Variants in LARGE1 observed in about 807,000 individuals in gnomAD.
The protein encoded by LARGE1 is LARGE xylosyl- and glucuronyltransferase 1.
LARGE1 carries 43 observed loss-of-function variants against 87.6 expected under a neutral mutation model. The ratio of observed to expected loss-of-function variants is 0.49; its 90% CI spans 0.38 to 0.63. The LOEUF (loss-of-function observed/expected upper bound fraction) is 0.63. LARGE1 is among the 30% of genes least tolerant of loss of function. The pLI is 0.00. For synonymous variants in LARGE1, 434 were observed against 394.6 expected, an observed-to-expected ratio of 1.10 and a Z score of -1.18; for missense variants, 802 against 1,000.2, an observed-to-expected ratio of 0.80 and a Z score of 2.67.
At position 33,847,082 on chromosome 22, in the gene LARGE1, G is replaced by A. The variant is rs142025881; in HGVS notation, c.-83+72913C>T. Among the ~76,000 whole-genome samples, 12 of 152,218 alleles carry A rather than the reference G, an allele frequency of 7.9e-5. No homozygotes were observed. In the East Asian group the frequency reaches 1.9e-3, roughly 24 times the overall value. Reference sequence around the variant, plus strand: ...GTTTTTGCAGCTTGTGGGGAATCACGGAACCTACCGACATGTGATGTCTCC... The same window carrying A: ...GTTTTTGCAGCTTGTGGGGAATCACAGAACCTACCGACATGTGATGTCTCC... On this transcript the variant is annotated intron_variant, in intron 1 of 14. Transcript: ENST00000397394.
At chr22:33,822,406 G>A (rs373950494) in intron 1 of LARGE1, among the ~76,000 whole-genome samples, 8 of 152,260 alleles carry the variant, frequency 5.3e-5, no homozygotes, top group African/African-American at 1.9e-4. Flanking sequence ...GGCACAGTAA[G>A]AGCTTAGAAA....
At chr22:33,350,121 G>T (rs1940222027) in intron 9 of LARGE1, among the ~76,000 whole-genome samples, 1 of 152,168 alleles carries the variant, frequency 6.6e-6, no homozygotes, top group African/African-American at 2.4e-5. Flanking sequence ...AATACTCAGG[G>T]CTGGGAAGGT....
chr22:33,553,685 G>A (rs1022423606), intron 6 of LARGE1, among the ~76,000 whole-genome samples: 1 of 152,148 alleles, frequency 6.6e-6, no homozygotes, highest in Non-Finnish European at 1.5e-5. Context: ...TTGCCCACAG[G>A]AAACAGAGGT....
chr22:33,729,425 T>G (rs570119975), intron 2 of LARGE1, among the ~76,000 whole-genome samples: 2 of 152,338 alleles, frequency 1.3e-5, no homozygotes, highest in East Asian at 3.9e-4. Context: ...TTTCAAGGGA[T>G]ATAAACTATC....
intron 1 of LARGE1, among the ~76,000 whole-genome samples, chr22:33,812,692 T>G (rs1601677107): frequency 6.6e-6 from 1 of 152,342 alleles, no homozygotes; most frequent in East Asian, 1.9e-4. Context: ...AAGTTTCCCT[T>G]TGTGTGGATA....
intron 1 of LARGE1, among the ~76,000 whole-genome samples, chr22:33,864,916 AC>A (rs2064041711): frequency 6.6e-6 from 1 of 152,086 alleles, no homozygotes; most frequent in Non-Finnish European, 1.5e-5. Context: ...TCACTCTCTC[AC>A]ATGTCTCTCT....
intron 11 of LARGE1, among the ~76,000 whole-genome samples, chr22:33,309,964 T>C (rs1370791536): frequency 2.0e-5 from 3 of 152,312 alleles, no homozygotes; most frequent in African/African-American, 4.8e-5. Context: ...CTGATTTACA[T>C]TTTTAAAACA....
chr22:33,138,086 G>C, the LARGE1 span, among the ~76,000 whole-genome samples: 1 of 152,156 alleles, frequency 6.6e-6, no homozygotes, highest in African/African-American at 2.4e-5. Context: ...CAGACACTCA[G>C]TGCCAGCCTG....
chr22:33,468,963 G>A (rs1012864450), intron 6 of LARGE1, among the ~76,000 whole-genome samples: 2 of 152,036 alleles, frequency 1.3e-5, no homozygotes, highest in African/African-American at 4.8e-5. Context: ...ACCATACCTC[G>A]GGAGCTGCAA....
intron 2 of LARGE1, among the ~76,000 whole-genome samples, chr22:33,748,437 C>T (rs113221695): frequency 0.055 from 8,401 of 152,208 alleles, 319 homozygotes; most frequent in South Asian, 0.21. Context: ...ACTCCTTGAG[C>T]GACCTGTTGC....
At chr22:33,708,130 A>G (rs2082616595) in intron 2 of LARGE1, among the ~76,000 whole-genome samples, 1 of 152,192 alleles carries the variant, frequency 6.6e-6, no homozygotes, top group African/African-American at 2.4e-5. Flanking sequence ...CTCAGGACTA[A>G]GAAAGCACCT....
chr22:33,316,110 G>T lies in LARGE1; in HGVS notation c.1426C>A (p.Leu476Met), dbSNP rs369168322. The T allele has an allele frequency of 1.0e-4, 164 of 1,613,934 alleles. No homozygotes were observed. Among genetic ancestry groups the T allele is most frequent in the Non-Finnish European group, 1.4e-4 (163 of 1,179,958 alleles). ...EPAADSTDVT[L>M]VAQLSMDRLQ... ...CTGTCCATGGACAGCTGAGCGACCA[G>T]GGTGACGTCCGTGCTGTCTGCTGCA... The change falls in exon 11 of 15, where the codon CTG becomes ATG. Residue 476 changes from leucine (L) to methionine (M), a missense_variant. Physicochemically the swap from Leu to Met is conservative, Grantham distance 15 (BLOSUM62 2). Transcript: ENST00000397394.
At chr22:33,118,067 A>G in the LARGE1 span, among the ~76,000 whole-genome samples, 100 of 152,336 alleles carry the variant, frequency 6.6e-4, 1 homozygote, top group Admixed American at 1.0e-3. Flanking sequence ...GAGAGAAAGG[A>G]TAAATGGATT....
At chr22:33,514,907 A>G (rs1463325187) in intron 6 of LARGE1, among the ~76,000 whole-genome samples, 1 of 152,192 alleles carries the variant, frequency 6.6e-6, no homozygotes, top group East Asian at 1.9e-4. Flanking sequence ...GAGGCTGTCA[A>G]TAACATGAAC....
At chr22:33,357,809 T>A (rs113488142) in intron 9 of LARGE1, among the ~76,000 whole-genome samples, 5 of 152,122 alleles carry the variant, frequency 3.3e-5, no homozygotes, top group African/African-American at 4.8e-5. Flanking sequence ...GAAAAAAAAA[T>A]TATACAAAAA....
intron 6 of LARGE1, among the ~76,000 whole-genome samples, chr22:33,514,676 GC>G (rs1368104207): frequency 6.6e-6 from 1 of 152,230 alleles, no homozygotes; most frequent in East Asian, 1.9e-4. Flanking sequence ...CTGGAACCAG[GC>G]CCCTACGGAT....
chr22:33,328,792 C>T (rs1327392496), intron 10 of LARGE1, among the ~76,000 whole-genome samples: 1 of 151,996 alleles, frequency 6.6e-6, no homozygotes, highest in African/African-American at 2.4e-5. Flanking sequence ...TTGGGAAGCA[C>T]TTCCTTGTCT....
rs959966358 is a variant in LARGE1 at position 33,304,605 on chromosome 22, A to G, written c.1452-98T>C. 8 of 1,290,286 alleles carry G rather than the reference A, an allele frequency of 6.2e-6. No homozygotes were observed. The African/African-American group carries it at 1.0e-4, about 17-fold the overall frequency. 79.9% of individuals were successfully genotyped at this position (1,290,286 alleles called of 1,614,324 possible). ...CTCTGCCTCCAGTGACACTTGATCA[A>G]CCAGCTGTGGATCAAATCCCTGCTT... On this transcript the variant is annotated intron_variant, in intron 11 of 14. Coordinates refer to ENST00000397394, the MANE Select transcript of LARGE1 (RefSeq NM_133642.5).
rs761478473 is a variant in LARGE1, at chr22:33,689,206, CAT to C, written c.107-38540_107-38539del. Among the ~76,000 whole-genome samples the C allele has an allele frequency of 7.3e-4, 111 of 151,550 alleles. 1 individual carries two copies. Among genetic ancestry groups the C allele is most frequent in the Non-Finnish European group, 1.4e-3 (94 of 67,940 alleles). ...GTGTATGTGTGTGTGTGTGTACACA[CAT>C]GTGTGTCAGGCTGGCTAAGTTTATG... On this transcript the variant is annotated intron_variant, in intron 2 of 14. Transcript: ENST00000397394.
Sources: gnomAD v4.1 joint callset for allele counts (sites outside exome capture counted in the v4.1 genomes callset) on GRCh38, gnomAD v4.1.1 for gene constraint, MANE v1.5 for transcripts, NCBI Gene and HGNC (gene_info 2026-07-23, HGNC 2026-07-21) for gene names.